PDZD4: variants seen among roughly 807,000 people sequenced by gnomAD.
The protein encoded by PDZD4 is PDZ domain-containing protein 4.
PDZD4 carries 9 observed loss-of-function variants against 38.5 expected under a neutral mutation model. That is an observed-to-expected ratio of 0.23 (90% CI 0.14 to 0.41). The LOEUF (loss-of-function observed/expected upper bound fraction) is 0.41. PDZD4 is among the 10% of genes least tolerant of loss of function. PDZD4 has a pLI of 1.00. For missense variants in PDZD4, 612 were observed against 722.0 expected, an observed-to-expected ratio of 0.85 and a Z score of 1.75; for synonymous variants, 349 against 315.7, an observed-to-expected ratio of 1.11 and a Z score of -1.12.
intron 1 of PDZD4, among the ~76,000 whole-genome samples, chrX:153,828,058 G>A (rs1265661618): frequency 2.7e-5 from 3 of 111,512 alleles, no homozygotes; most frequent in East Asian, 2.8e-4. Flanking sequence ...GACAAGGTGC[G>A]GACGAGGTTA....
intron 6 of PDZD4, 120 bp downstream of exon 6, chrX:153,805,384 GC>G (rs1159648527): frequency 3.7e-5 from 13 of 354,389 alleles, no homozygotes; most frequent in Non-Finnish European, 4.9e-6. Context: ...AGAGACCCCT[GC>G]CCACCCGCCC....
At chrX:153,830,069 C>T (rs951969819) in intron 1 of PDZD4, 170 bp downstream of exon 1, 16 of 566,121 alleles carry the variant, frequency 2.8e-5, no homozygotes, top group Middle Eastern at 6.5e-4. Context: ...GTGGCTGGTT[C>T]CCACGGAGCG....
At chrX:153,812,083 T>C (rs2064315243) in intron 1 of PDZD4, among the ~76,000 whole-genome samples, 2 of 110,717 alleles carry the variant, frequency 1.8e-5, no homozygotes, top group Non-Finnish European at 3.8e-5. Flanking sequence ...TCTGTGCTTT[T>C]GGGGTTATTC....
At chrX:153,816,493 G>A (rs975253046) in intron 1 of PDZD4, among the ~76,000 whole-genome samples, 3 of 110,261 alleles carry the variant, frequency 2.7e-5, no homozygotes, top group African/African-American at 9.9e-5. Context: ...CGGGAAGCAC[G>A]GGAGATGAGG....
intron 1 of PDZD4, chrX:153,829,798 G>T: frequency 1.3e-6 from 1 of 757,657 alleles, no homozygotes; most frequent in Non-Finnish European, 1.6e-6. Context: ...GTGTCGGGGT[G>T]GGCACCCAGC....
intron 1 of PDZD4, among the ~76,000 whole-genome samples, chrX:153,821,328 G>A (rs945321595): frequency 2.7e-5 from 3 of 111,141 alleles, no homozygotes; most frequent in Non-Finnish European, 5.7e-5. Context: ...TCAGTTAGCT[G>A]CACATGGCAG....
intron 1 of PDZD4, among the ~76,000 whole-genome samples, chrX:153,818,606 G>A (rs2064385932): frequency 9.1e-6 from 1 of 109,884 alleles, no homozygotes; most frequent in Non-Finnish European, 1.9e-5. Flanking sequence ...AGAAAGTCCC[G>A]GGAGGGAAGC....
intron 6 of PDZD4, 107 bp downstream of exon 6, chrX:153,805,398 C>CCAAAAAAA: frequency 1.8e-6 from 1 of 553,491 alleles, no homozygotes; most frequent in Non-Finnish European, 3.0e-6. Flanking sequence ...ACCCGCCCTC[C>CCAAAAAAA]ATCAACTCCA....
At position 153,805,701 on chromosome X, in the gene PDZD4, C is replaced by T; in HGVS notation, c.568-95G>A. The T allele has an allele frequency of 4.6e-6, 3 of 649,305 alleles. No homozygotes were observed. In the South Asian group the frequency reaches 7.0e-5, roughly 15 times the overall value. The allele number at this position is 649,305 out of a possible 1,213,427, so 53.5% of individuals were successfully genotyped here. ...GGGAGCCCAAGCACTCTGGGCTCGG[C>T]TGGGCTAGGCTGGGGCTTGAGCTCT... On this transcript the variant is annotated intron_variant, in intron 5 of 7. Coordinates refer to ENST00000393758, the MANE Select transcript of PDZD4 (RefSeq NM_001303512.2).
intron 1 of PDZD4, among the ~76,000 whole-genome samples, chrX:153,810,560 C>G (rs2064299580): frequency 8.8e-6 from 1 of 113,186 alleles, no homozygotes; most frequent in South Asian, 3.6e-4. Context: ...GCGCAGGTGG[C>G]TGCGCCTGCA....
At position 153,803,714 on chromosome X, in the gene PDZD4, G is replaced by A; in HGVS notation, c.1967C>T (p.Ala656Val). The A allele has an allele frequency of 8.3e-7, 1 of 1,209,987 alleles. No individual in the cohort carries two copies. Among genetic ancestry groups the A allele is most frequent in the Non-Finnish European group, 1.1e-6 (1 of 895,524 alleles). The change falls in exon 8 of 8, where the codon GCC becomes GTC. Residue 656 changes from alanine to valine, a missense_variant. By Grantham distance (64) the Ala-to-Val change is moderately conservative. Coordinates refer to ENST00000393758, the MANE Select transcript of PDZD4 (RefSeq NM_001303512.2). ...GCTGCGCTCCTCCCGGATCTTCAGG[G>A]CACGGGCTTTCAGCAGCCGATCTCG... ...PVRDRLLKAR[A>V]LKIREERSGM...
intron 1 of PDZD4, 195 bp downstream of exon 1, chrX:153,830,044 C>A: frequency 1.7e-6 from 1 of 586,076 alleles, no homozygotes. Flanking sequence ...CCAACCCCAA[C>A]TTCCCACCCC....
At chrX:153,822,557 G>T (rs1295829245) in intron 1 of PDZD4, among the ~76,000 whole-genome samples, 1 of 111,274 alleles carries the variant, frequency 9.0e-6, no homozygotes, top group Non-Finnish European at 1.9e-5. Context: ...CGCCTCCTCC[G>T]GCCCAACTCC....
chrX:153,820,596 A>C (rs1424073320), intron 1 of PDZD4, among the ~76,000 whole-genome samples: 1 of 111,481 alleles, frequency 9.0e-6, no homozygotes, highest in African/African-American at 3.3e-5. Context: ...TTAGGTCTCT[A>C]GTTATTATGT....
chrX:153,803,838 C>T lies in PDZD4; in HGVS notation c.1843G>A (p.Val615Met). The T allele has an allele frequency of 2.5e-6, 3 of 1,194,864 alleles. No individual in the cohort carries two copies. The highest frequency in any genetic ancestry group is 3.4e-6 in the Non-Finnish European group (3 of 889,063). Residue 615 changes from valine (V) to methionine (M), a missense_variant, in exon 8 of 8, where the codon GTG becomes ATG. By Grantham distance (21) the Val-to-Met change is conservative. Coordinates refer to ENST00000393758, the MANE Select transcript of PDZD4 (RefSeq NM_001303512.2). ...GPLSLAGGPRVGGVAAAATEA... is the reference protein window; with the variant it reads ...GPLSLAGGPRMGGVAAAATEA... Reference sequence around the variant, plus strand: ...GTGGCCGCGGCCGCCACCCCGCCCACCCGAGGGCCACCGGCCAAGCTCAGG... The same window carrying T: ...GTGGCCGCGGCCGCCACCCCGCCCATCCGAGGGCCACCGGCCAAGCTCAGG...
intron 1 of PDZD4, among the ~76,000 whole-genome samples, chrX:153,813,144 T>G (rs1406171175): frequency 9.0e-6 from 1 of 110,949 alleles, no homozygotes; most frequent in Non-Finnish European, 1.9e-5. Flanking sequence ...TCTCAATATT[T>G]CAAATGGGGA....
intron 1 of PDZD4, among the ~76,000 whole-genome samples, chrX:153,820,918 G>A (rs1413652801): frequency 8.9e-6 from 1 of 111,982 alleles, no homozygotes; most frequent in Non-Finnish European, 1.9e-5. Flanking sequence ...CTGATTCACA[G>A]GTAATTTGGG....
intron 2 of PDZD4, among the ~76,000 whole-genome samples, chrX:153,807,620 C>G (rs899584652): frequency 3.2e-5 from 3 of 93,460 alleles, no homozygotes; most frequent in African/African-American, 7.1e-5. Context: ...CTCTAGCGTT[C>G]CCGTCCCCCA....
At chrX:153,830,084 C>T (rs1431836246) in intron 1 of PDZD4, 155 bp downstream of exon 1, 2 of 572,532 alleles carry the variant, frequency 3.5e-6, no homozygotes, top group Non-Finnish European at 5.0e-6. Flanking sequence ...GGAGCGCCAA[C>T]ACCCAACAGC....
Sources: allele counts gnomAD v4.1 joint callset (sites outside exome capture counted in the v4.1 genomes callset), GRCh38; gene constraint gnomAD v4.1.1; transcripts MANE v1.5; gene names NCBI Gene and HGNC (gene_info 2026-07-23, HGNC 2026-07-21).